The following SMC5 variants were observed in gnomAD, a reference collection of about 807,000 sequenced individuals.
SMC5 encodes the protein structural maintenance of chromosomes 5, also known as structural maintenance of chromosomes protein 5.
In SMC5, 88 loss-of-function variants were observed where a neutral mutation model predicts 148.3. The ratio of observed to expected loss-of-function variants is 0.59; its 90% CI spans 0.50 to 0.71. The LOEUF is 0.71. Among genes scored for constraint, SMC5 ranks in the 30% least tolerant of loss-of-function variants. The pLI is 0.00. For missense variants in SMC5, 1,142 were observed against 1,298.9 expected (o/e 0.88, Z 1.86); for synonymous variants, 421 against 432.8 (o/e 0.97, Z 0.34).
intron 17 of SMC5, among the ~76,000 whole-genome samples, chr9:70,337,907 T>C (rs1169218576): frequency 6.6e-6 from 1 of 152,052 alleles, no homozygotes; most frequent in Non-Finnish European, 1.5e-5. Context: ...AAAATTCCTG[T>C]AGTTGAATGC....
At chr9:70,341,965 A>G (rs1321782550) in intron 17 of SMC5, among the ~76,000 whole-genome samples, 3 of 149,776 alleles carry the variant, frequency 2.0e-5, no homozygotes, top group East Asian at 2.0e-4. Flanking sequence ...CACTATTCAC[A>G]ATAGCAAAGA....
intron 8 of SMC5, among the ~76,000 whole-genome samples, chr9:70,290,594 T>C (rs2035030918): frequency 6.6e-6 from 1 of 152,236 alleles, no homozygotes; most frequent in African/African-American, 2.4e-5. Flanking sequence ...CGGGTTCTCT[T>C]GATTTATTTG....
chr9:70,351,960 C>T (rs1465910663), intron 24 of SMC5, among the ~76,000 whole-genome samples: 2 of 151,934 alleles, frequency 1.3e-5, no homozygotes, highest in Non-Finnish European at 2.9e-5. Flanking sequence ...GCCTGTAATC[C>T]CAGCTACTCT....
intron 17 of SMC5, among the ~76,000 whole-genome samples, chr9:70,343,789 C>G (rs2036587421): frequency 6.6e-6 from 1 of 151,944 alleles, no homozygotes; most frequent in African/African-American, 2.4e-5. Context: ...TCACTGCACT[C>G]CAGCCTGGGT....
chr9:70,309,296 G>A (rs1208064769), intron 11 of SMC5, among the ~76,000 whole-genome samples: 1 of 113,274 alleles, frequency 8.8e-6, no homozygotes. Context: ...TTTACCCATA[G>A]CAGAATTTCT....
intron 17 of SMC5, among the ~76,000 whole-genome samples, chr9:70,335,290 C>A (rs1379788523): frequency 6.6e-6 from 1 of 152,114 alleles, no homozygotes; most frequent in East Asian, 1.9e-4. Context: ...GAGTTTGAGA[C>A]CAGCCTGGGC....
chr9:70,291,845 AT>A (rs139826418), intron 8 of SMC5, among the ~76,000 whole-genome samples: 10,653 of 144,716 alleles, frequency 0.074, 570 homozygotes, highest in East Asian at 0.22. Context: ...AAGTAATTGC[AT>A]TTTTTTTTTT....
At chr9:70,340,500 A>G (rs1035860126) in intron 17 of SMC5, among the ~76,000 whole-genome samples, 1 of 152,040 alleles carries the variant, frequency 6.6e-6, no homozygotes, top group Admixed American at 6.6e-5. Flanking sequence ...TTAAGTGTGT[A>G]TTCTGTCTGG....
chr9:70,283,295 CT>C (rs1462417753), intron 7 of SMC5, among the ~76,000 whole-genome samples: 1 of 151,998 alleles, frequency 6.6e-6, no homozygotes. Flanking sequence ...GAAACCCTGT[CT>C]CTATGAAAAA....
intron 17 of SMC5, among the ~76,000 whole-genome samples, chr9:70,332,545 GA>G (rs2036246154): frequency 8.6e-6 from 1 of 116,770 alleles, no homozygotes; most frequent in Non-Finnish European, 1.8e-5. Context: ...AAAAAAAAAA[GA>G]ATTAATACCA....
intron 11 of SMC5, among the ~76,000 whole-genome samples, chr9:70,313,747 G>A (rs919386771): frequency 1.1e-4 from 17 of 152,046 alleles, no homozygotes; most frequent in African/African-American, 1.7e-4. Flanking sequence ...TGATCCGCCC[G>A]TCTCGGCCTC....
chr9:70,344,631 T>C (rs1216216510), intron 18 of SMC5: 1 of 152,080 alleles, frequency 6.6e-6, no homozygotes, highest in Non-Finnish European at 1.5e-5. Flanking sequence ...GGTGTTTAAT[T>C]AGGGTTCAAT....
At chr9:70,286,330 A>C in intron 8 of SMC5, 59 bp downstream of exon 8, 1 of 1,062,820 alleles carries the variant, frequency 9.4e-7, no homozygotes, top group Non-Finnish European at 1.4e-6. Context: ...TTTGTTTTCA[A>C]ATACAGATTA....
At chr9:70,332,868 T>G (rs1408177810) in intron 17 of SMC5, among the ~76,000 whole-genome samples, 2 of 151,940 alleles carry the variant, frequency 1.3e-5, no homozygotes, top group African/African-American at 2.4e-5. Context: ...ACAGAAAAAA[T>G]GTCAAAATTC....
intron 17 of SMC5, among the ~76,000 whole-genome samples, chr9:70,328,020 G>A (rs1009562162): frequency 3.3e-5 from 5 of 151,970 alleles, no homozygotes; most frequent in South Asian, 2.1e-4. Context: ...TTAAACAACC[G>A]GATCTTGTGA....
At chr9:70,267,841 C>T (rs1382527013) in intron 2 of SMC5, 82 bp from the exon 3 acceptor site, 4 of 1,275,642 alleles carry the variant, frequency 3.1e-6, no homozygotes, top group African/African-American at 3.0e-5. Context: ...CTTGATTTGA[C>T]AAATAATAAT....
In SMC5 at chr9:70,347,929, G is replaced by C. The variant is rs778093200; in HGVS notation, c.2780G>C (p.Arg927Thr). The C allele has an allele frequency of 3.8e-6, 6 of 1,586,282 alleles. No individual in the cohort carries two copies. The highest frequency in any genetic ancestry group is 5.1e-6 in the Non-Finnish European group (6 of 1,167,854). The change falls in exon 22 of 25, where the codon AGG (arginine) becomes ACG (threonine). Residue 927 changes from arginine (R) to threonine (T), a missense_variant. Coordinates refer to ENST00000361138, the MANE Select transcript of SMC5 (RefSeq NM_015110.4). ...TGCCTTTATTTGTAGGTAAAAGAAA[G>C]GTGGCTTAATCCTTTAAAAGAGCTG... ...YRENISQVKE[R>T]WLNPLKELVE...
intron 2 of SMC5, among the ~76,000 whole-genome samples, chr9:70,265,683 T>C (rs1444807594): frequency 6.6e-6 from 1 of 152,066 alleles, no homozygotes; most frequent in Non-Finnish European, 1.5e-5. Context: ...AAAAAATACA[T>C]GCCAGGCAAA....
In SMC5 at chr9:70,352,412, T is replaced by A. The variant is rs2036826815; in HGVS notation, c.*81T>A. 2.9e-6 allele frequency: 4 copies of A among 1,364,276 alleles called. No individual in the cohort carries two copies. The highest frequency in any genetic ancestry group is 3.9e-6 in the Non-Finnish European group (4 of 1,013,240). The allele number at this position is 1,364,276 out of a possible 1,614,324, so 84.5% of individuals were successfully genotyped here. On this transcript the variant is annotated 3_prime_UTR_variant, in exon 25 of 25. Transcript: ENST00000361138. ...ATGGCTCAACTGAATAAAAGGAGATTCACTAAAACGAAAAGCAGTTATTTT... is the reference window on the plus strand; with the variant it reads ...ATGGCTCAACTGAATAAAAGGAGATACACTAAAACGAAAAGCAGTTATTTT...
Sources: allele counts gnomAD v4.1 joint callset (sites outside exome capture counted in the v4.1 genomes callset), GRCh38; gene constraint gnomAD v4.1.1; transcripts MANE v1.5; gene names NCBI Gene and HGNC (gene_info 2026-07-23, HGNC 2026-07-21).